The following SP7 variants were observed in gnomAD, a reference collection of about 807,000 sequenced individuals.
The protein encoded by SP7 is transcription factor Sp7.
Under a neutral mutation model 27.9 loss-of-function variants are expected in SP7, and 13 were observed. That is an observed-to-expected ratio of 0.47 (90% CI 0.30 to 0.74). The LOEUF (loss-of-function observed/expected upper bound fraction) is 0.74. Among genes scored for constraint, SP7 ranks in the 30% least tolerant of loss-of-function variants. The pLI is 0.06. For missense variants in SP7, 525 were observed against 558.0 expected (o/e 0.94, Z 0.60); for synonymous variants, 219 against 226.7 (o/e 0.97, Z 0.31).
chr12:53,338,144 G>A (rs1488892011), upstream of SP7, among the ~76,000 whole-genome samples: 5 of 149,836 alleles, frequency 3.3e-5, no homozygotes, highest in East Asian at 9.8e-4. Context: ...GGAGGGTTGT[G>A]TTGCCAGGCA....
upstream of SP7, among the ~76,000 whole-genome samples, chr12:53,337,506 AT>A (rs1944783123): frequency 1.3e-5 from 2 of 152,166 alleles, no homozygotes; most frequent in Non-Finnish European, 2.9e-5. Flanking sequence ...TTTACAGGTT[AT>A]TCCTTAACAC....
At chr12:53,329,855 C>T (rs1297918544) in intron 2 of SP7, among the ~76,000 whole-genome samples, 1 of 151,918 alleles carries the variant, frequency 6.6e-6, no homozygotes, top group Non-Finnish European at 1.5e-5. Flanking sequence ...CCTCAGCCTC[C>T]GGAGGAGTTG....
At chr12:53,334,331 TACACACACACACACACACACACACAC>T (rs57611228) in intron 2 of SP7, among the ~76,000 whole-genome samples, 5 of 139,616 alleles carry the variant, frequency 3.6e-5, no homozygotes, top group Admixed American at 7.1e-5. Context: ...TGGCCCAACT[TACACACACACACACACACACACACAC>T]ACACACACAC....
In SP7 at chr12:53,328,738, C is replaced by T. The variant is rs533811909; in HGVS notation, c.704G>A (p.Gly235Glu). The T allele has an allele frequency of 1.9e-6, 3 of 1,606,690 alleles. No homozygotes were observed. The highest frequency in any genetic ancestry group is 1.3e-5 in the African/African-American group (1 of 74,794). Residue 235 changes from glycine to glutamate, a missense_variant, in exon 3 of 3, where the codon GGA becomes GAA. Transcript: ENST00000536324. This position sits in a 1 kb window ranked among gnomAD's most constrained non-coding sequence, Gnocchi z 5.1. ...ACTCCCTTCTAGCTGCCCACTATTTCCCACTGCCTTGGGTTTATAGACATC... is the reference window on the plus strand; with the variant it reads ...ACTCCCTTCTAGCTGCCCACTATTTTCCACTGCCTTGGGTTTATAGACATC... ...PQDVYKPKAV[G>E]NSGQLEGSGG...
upstream of SP7, among the ~76,000 whole-genome samples, chr12:53,340,262 C>T (rs1335625302): frequency 6.6e-6 from 1 of 152,012 alleles, no homozygotes; most frequent in African/African-American, 2.4e-5. Context: ...TGGCAAATGT[C>T]ACATACATAT....
chr12:53,329,384 G>A lies in SP7; in HGVS notation c.58C>T (p.Leu20=), dbSNP rs753884103. Residue 20 remains leucine, a synonymous_variant, in exon 3 of 3, where the codon CTG becomes TTG. Coordinates refer to ENST00000536324, the MANE Select transcript of SP7 (RefSeq NM_001173467.3). ...VHYGSSPLAM[L]TAACSKFGGS... Reference sequence around the variant, plus strand: ...CCAAATTTGCTGCACGCTGCCGTCAGCATGGCCAGGGGACTGGAGCCATAG... The same window carrying A: ...CCAAATTTGCTGCACGCTGCCGTCAACATGGCCAGGGGACTGGAGCCATAG... 16 of 1,613,912 alleles carry A rather than the reference G, an allele frequency of 9.9e-6. No homozygotes were observed. The highest frequency in any genetic ancestry group is 1.4e-5 in the Non-Finnish European group (16 of 1,179,896).
upstream of SP7, among the ~76,000 whole-genome samples, chr12:53,339,045 G>A (rs1199671347): frequency 6.6e-6 from 1 of 152,138 alleles, no homozygotes; most frequent in Non-Finnish European, 1.5e-5. Context: ...CCTCCCAGGG[G>A]GTGGGGCAGA....
chr12:53,336,496 A>C (rs1944773698), upstream of SP7: 1 of 153,368 alleles, frequency 6.5e-6, no homozygotes, highest in East Asian at 1.9e-4. Context: ...ACTGGAACGC[A>C]CTGACATACA....
chr12:53,331,724 G>A (rs574971182), intron 2 of SP7, among the ~76,000 whole-genome samples: 8 of 152,284 alleles, frequency 5.3e-5, no homozygotes, highest in African/African-American at 1.9e-4. Flanking sequence ...ATATGGGTAT[G>A]AAAGGGCTAG....
At chr12:53,334,373 C>CACAT (rs1290039893) in intron 2 of SP7, among the ~76,000 whole-genome samples, 9 of 151,346 alleles carry the variant, frequency 5.9e-5, no homozygotes, top group African/African-American at 2.2e-4. Context: ...CACACACACA[C>CACAT]ACTCTCAGGG....
At chr12:53,335,718 G>C (rs1302221589) in intron 1 of SP7, 25 bp from the exon 2 acceptor site, 1 of 1,359,590 alleles carries the variant, frequency 7.4e-7, no homozygotes, top group Admixed American at 2.3e-5. Context: ...GGGGGGGGTA[G>C]AGAGAGAAAA....
intron 1 of SP7, among the ~76,000 whole-genome samples, chr12:53,343,492 A>G (rs1944840187): frequency 1.3e-5 from 2 of 152,208 alleles, no homozygotes; most frequent in Admixed American, 6.6e-5. Context: ...TGGGTGAGCT[A>G]TTTAACCTTT....
upstream of SP7, among the ~76,000 whole-genome samples, chr12:53,336,757 T>G (rs1419323640): frequency 1.3e-5 from 2 of 151,710 alleles, no homozygotes; most frequent in Non-Finnish European, 2.9e-5. Flanking sequence ...CGTGTGTGTG[T>G]GTGTGTGTGT....
At chr12:53,341,783 G>A (rs1244823962) in intron 1 of SP7, among the ~76,000 whole-genome samples, 1 of 152,174 alleles carries the variant, frequency 6.6e-6, no homozygotes, top group Non-Finnish European at 1.5e-5. Flanking sequence ...GTCTCAGGCT[G>A]GCCGAGGTGG....
chr12:53,328,793 G>A lies in SP7; in HGVS notation c.649C>T (p.Gln217Ter). Residue 217 changes from glutamine to a stop codon, truncating the protein, a stop_gained, in exon 3 of 3, where the codon CAA (glutamine) becomes TAA (stop). Transcript: ENST00000536324. LOFTEE classifies it high-confidence loss of function. The surrounding 1 kb of genome is among the most constrained non-coding windows in gnomAD (Gnocchi z 5.1). ...PAPYPAPHLL[Q>*]PGPQHVLPQD... ...GGCAAGACATGCTGGGGCCCTGGTT[G>A]CAAGAGGTGGGGAGCTGGGTAGGGG... 6.3e-7 allele frequency: 1 copy of A among 1,597,296 alleles called. No homozygotes were observed. The highest frequency in any genetic ancestry group is 8.6e-7 in the Non-Finnish European group (1 of 1,168,352).
In SP7 at chr12:53,341,988, G is replaced by A. The variant is rs1263434382; in HGVS notation, c.-34+3126C>T. 2.0e-5 allele frequency among the ~76,000 whole-genome samples: 3 copies of A among 152,004 alleles called. No individual in the cohort carries two copies. The East Asian group carries it at 5.8e-4, about 29-fold the overall frequency. On this transcript the variant is annotated intron_variant, in intron 1 of 1. Transcript: ENST00000547755. ...GGCAGAAGAATGGCGTGACCGGGAG[G>A]TGGAGCTTGCAGTGAGCCGAGATCG...
intron 1 of SP7, among the ~76,000 whole-genome samples, chr12:53,343,507 C>T (rs1944840339): frequency 6.6e-6 from 1 of 152,170 alleles, no homozygotes; most frequent in African/African-American, 2.4e-5. Flanking sequence ...ACCTTTGAGG[C>T]CTAAGATTCC....
chr12:53,332,899 C>G (rs1013746238), intron 2 of SP7, among the ~76,000 whole-genome samples: 3 of 152,040 alleles, frequency 2.0e-5, no homozygotes, highest in Non-Finnish European at 2.9e-5. Flanking sequence ...TCCCTGCGGT[C>G]GGTTTATTTT....
chr12:53,335,842 C>A (rs1944764350), intron 1 of SP7, 149 bp from the exon 2 acceptor site: 2 of 1,411,630 alleles, frequency 1.4e-6, no homozygotes, highest in Non-Finnish European at 9.2e-7. Flanking sequence ...ACAGCTTTCC[C>A]AGCGGAGAAG....
Sources: allele counts gnomAD v4.1 joint callset (sites outside exome capture counted in the v4.1 genomes callset), GRCh38; gene constraint gnomAD v4.1.1; non-coding constraint Gnocchi (gnomAD v3.1); transcripts MANE v1.5; gene names NCBI Gene and HGNC (gene_info 2026-07-23, HGNC 2026-07-21).